KCNN2: variants seen among roughly 807,000 people sequenced by gnomAD.
KCNN2 encodes potassium calcium-activated channel subfamily N member 2.
KCNN2 carries 24 observed loss-of-function variants against 55.5 expected under a neutral mutation model. That is an observed-to-expected ratio of 0.43 (90% CI 0.31 to 0.61). The LOEUF (loss-of-function observed/expected upper bound fraction) is 0.61, where lower values mean the gene tolerates loss of function less well. Among genes scored for constraint, KCNN2 ranks in the 20% least tolerant of loss-of-function variants. The pLI, the probability that KCNN2 is intolerant of heterozygous loss-of-function variation, is 0.08. For missense variants in KCNN2, 754 were observed against 853.6 expected (o/e 0.88, Z 1.45); for synonymous variants, 431 against 336.1 (o/e 1.28, Z -3.09).
chr5:114,358,804 C>G (rs1247350158), upstream of KCNN2, among the ~76,000 whole-genome samples: 3 of 152,096 alleles, frequency 2.0e-5, no homozygotes, highest in African/African-American at 7.2e-5. Context: ...ACATGTATCT[C>G]TACAGTCCTG....
intron 3 of KCNN2, among the ~76,000 whole-genome samples, chr5:114,441,782 A>G (rs1197378755): frequency 6.6e-6 from 1 of 152,192 alleles, no homozygotes; most frequent in Non-Finnish European, 1.5e-5. Flanking sequence ...GATCACTAAT[A>G]TATGTCTCTA....
intron 2 of KCNN2, among the ~76,000 whole-genome samples, chr5:114,336,071 T>C (rs1459315335): frequency 1.3e-5 from 2 of 152,210 alleles, no homozygotes; most frequent in Non-Finnish European, 2.9e-5. Context: ...AACTAATTGA[T>C]GTGGTTCAAA....
chr5:114,418,067 G>C (rs968526023), intron 3 of KCNN2, among the ~76,000 whole-genome samples: 4 of 152,146 alleles, frequency 2.6e-5, no homozygotes, highest in Non-Finnish European at 5.9e-5. Flanking sequence ...AACACTTAAT[G>C]AGTGACTTAA....
intron 1 of KCNN2, among the ~76,000 whole-genome samples, chr5:114,095,596 T>C (rs1290031233): frequency 6.6e-6 from 1 of 152,140 alleles, no homozygotes; most frequent in African/African-American, 2.4e-5. Flanking sequence ...AAGATTCAAT[T>C]CTGATTGTTC....
intron 2 of KCNN2, among the ~76,000 whole-genome samples, chr5:114,269,024 G>T (rs72799622): frequency 0.13 from 20,031 of 151,652 alleles, 1,501 homozygotes; most frequent in Middle Eastern, 0.17. Flanking sequence ...CAAATCATGA[G>T]CTCATCCATA....
chr5:114,274,342 G>GTA (rs79689796), intron 2 of KCNN2, among the ~76,000 whole-genome samples: 1 of 151,882 alleles, frequency 6.6e-6, no homozygotes, highest in Non-Finnish European at 1.5e-5. Flanking sequence ...TTCATATGAA[G>GTA]TTTAAAGTAG....
In KCNN2 at chr5:114,375,744, T is replaced by A. The variant is rs73782215; in HGVS notation, c.1218+11743T>A. ...TCTTATTTGTCAGCATCAAAGAGGA[T>A]ATTTGATGGAAACGAGTTTGAGCAG... On this transcript the variant is annotated intron_variant, in intron 2 of 7. Transcript: ENST00000673685. 1.2e-3 allele frequency among the ~76,000 whole-genome samples: 180 copies of A among 152,000 alleles called. 1 individual carries two copies. Among genetic ancestry groups the A allele is most frequent in the African/African-American group, 4.2e-3 (173 of 41,496 alleles).
intron 5 of KCNN2, among the ~76,000 whole-genome samples, chr5:114,482,027 A>C (rs953606105): frequency 6.6e-6 from 1 of 152,232 alleles, no homozygotes; most frequent in Admixed American, 6.5e-5. Flanking sequence ...AAAAATTGAC[A>C]AATGGGATCT....
intron 2 of KCNN2, among the ~76,000 whole-genome samples, chr5:114,323,243 G>A (rs777406297): frequency 5.9e-5 from 9 of 152,284 alleles, no homozygotes; most frequent in Middle Eastern, 3.4e-3. Context: ...TAAGAGCATC[G>A]TCTCTGGAGT....
chr5:114,322,306 A>G (rs1343588606), intron 2 of KCNN2, among the ~76,000 whole-genome samples: 3 of 152,218 alleles, frequency 2.0e-5, no homozygotes, highest in African/African-American at 7.2e-5. Context: ...TCTAGTAAGT[A>G]GAGAAAGAAA....
At position 114,496,077 on chromosome 5, in the gene KCNN2, G is replaced by A. The variant is rs781342030; in HGVS notation, c.2271G>A (p.Glu757=). Residue 757 remains glutamate, a synonymous_variant, in exon 8 of 8, where the codon GAG becomes GAA. Transcript: ENST00000673685. ...QQRDFIEAQM[E]SYDKHVTYNA... ...GAGATTTCATTGAGGCTCAGATGGA[G>A]AGCTACGACAAGCACGTCACTTACA... is the stretch of plus-strand genomic sequence containing the variant. The A allele has an allele frequency of 1.2e-6, 2 of 1,614,076 alleles. No homozygotes were observed. Among genetic ancestry groups the A allele is most frequent in the Non-Finnish European group, 1.7e-6 (2 of 1,179,976 alleles).
chr5:114,409,621 T>A (rs1441156267), intron 3 of KCNN2, among the ~76,000 whole-genome samples: 1 of 152,124 alleles, frequency 6.6e-6, no homozygotes, highest in African/African-American at 2.4e-5. Flanking sequence ...AAAAAGAGAC[T>A]TAGATTTTTG....
chr5:114,425,537 C>T (rs1321921503), intron 3 of KCNN2, among the ~76,000 whole-genome samples: 3 of 152,188 alleles, frequency 2.0e-5, no homozygotes, highest in Non-Finnish European at 4.4e-5. Flanking sequence ...TTCATCATAC[C>T]TACCTGGAAA....
chr5:114,341,839 A>G (rs951671572), intron 2 of KCNN2, among the ~76,000 whole-genome samples: 2 of 152,046 alleles, frequency 1.3e-5, no homozygotes, highest in Admixed American at 1.3e-4. Context: ...TTTACTTGAT[A>G]ATGACACAGC....
chr5:114,464,013 C>A (rs898041618), intron 4 of KCNN2, among the ~76,000 whole-genome samples: 1 of 152,088 alleles, frequency 6.6e-6, no homozygotes, highest in Non-Finnish European at 1.5e-5. Context: ...AGCGGCCTGG[C>A]ATGAGGCAGG....
chr5:114,322,025 A>C (rs1439109492), intron 2 of KCNN2, among the ~76,000 whole-genome samples: 1 of 152,216 alleles, frequency 6.6e-6, no homozygotes, highest in East Asian at 1.9e-4. Context: ...TTTATTACCC[A>C]GTTTCCTCAG....
At chr5:114,469,033 C>A (rs540983015) in intron 4 of KCNN2, among the ~76,000 whole-genome samples, 1 of 152,236 alleles carries the variant, frequency 6.6e-6, no homozygotes, top group Admixed American at 6.5e-5. Flanking sequence ...ACAGTTTCTG[C>A]GCTATAATGG....
At chr5:114,408,083 G>A (rs1443681845) in intron 3 of KCNN2, among the ~76,000 whole-genome samples, 1 of 152,128 alleles carries the variant, frequency 6.6e-6, no homozygotes, top group Non-Finnish European at 1.5e-5. Context: ...AGTCATGGGT[G>A]AGGGGTTTGG....
chr5:114,214,394 AAGC>A (rs1172095184), intron 1 of KCNN2, among the ~76,000 whole-genome samples: 1 of 152,070 alleles, frequency 6.6e-6, no homozygotes, highest in African/African-American at 2.4e-5. Context: ...ATTTTTAAAA[AAGC>A]AGAAATAATG....
Sources: gnomAD v4.1 joint callset for allele counts (sites outside exome capture counted in the v4.1 genomes callset) on GRCh38, gnomAD v4.1.1 for gene constraint, MANE v1.5 for transcripts, NCBI Gene and HGNC (gene_info 2026-07-23, HGNC 2026-07-21) for gene names.